NSUN6: variants seen among roughly 807,000 people sequenced by gnomAD.
NSUN6 encodes tRNA (cytosine(72)-C(5))-methyltransferase NSUN6.
Under a neutral mutation model 58.0 loss-of-function variants are expected in NSUN6, and 64 were observed. The observed-to-expected ratio is 1.10, with a 90% confidence interval of 0.90 to 1.36. NSUN6 has a LOEUF of 1.36. Among genes scored for constraint, NSUN6 ranks in the 40% most tolerant of loss-of-function variants. NSUN6 has a pLI of 0.00. For missense variants in NSUN6, 701 were observed against 550.1 expected (o/e 1.27, Z -2.74); for synonymous variants, 231 against 193.9 (o/e 1.19, Z -1.59).
chr10:18,638,947 T>TAA (rs35673571), intron 3 of NSUN6, among the ~76,000 whole-genome samples: 2,230 of 107,004 alleles, frequency 0.021, 71 homozygotes, highest in African/African-American at 0.06. Flanking sequence ...TTGACAATGT[T>TAA]AAAAAAAAAA....
intron 3 of NSUN6, among the ~76,000 whole-genome samples, chr10:18,626,361 G>A (rs1033674335): frequency 2.6e-5 from 4 of 151,900 alleles, no homozygotes; most frequent in Admixed American, 1.3e-4. Context: ...GCAACACGGC[G>A]AGACCCCATC....
At position 18,609,800 on chromosome 10, in the gene NSUN6, G is replaced by GC. The variant is rs1554874340; in HGVS notation, c.657+44_657+45insG. 3.0e-6 allele frequency: 3 copies of GC among 1,009,562 alleles called. No individual in the cohort carries two copies. The South Asian group carries it at 4.0e-5, about 14-fold the overall frequency. 62.5% of individuals were successfully genotyped at this position (1,009,562 alleles called of 1,614,324 possible). On this transcript the variant is annotated intron_variant, in intron 6 of 10. Transcript: ENST00000377304. ...CCTAGATTTCAAATAATTCACTGAT[G>GC]TATGTTTCAATGTCACTAAATATTT...
intron 8 of NSUN6, among the ~76,000 whole-genome samples, chr10:18,580,118 G>A (rs968147971): frequency 5.3e-5 from 8 of 152,126 alleles, no homozygotes; most frequent in Non-Finnish European, 1.0e-4. Flanking sequence ...AAGGGCATGG[G>A]GAGTTTTGCA....
chr10:18,610,281 G>C (rs971405063), intron 5 of NSUN6, among the ~76,000 whole-genome samples: 1 of 152,140 alleles, frequency 6.6e-6, no homozygotes, highest in Non-Finnish European at 1.5e-5. Context: ...CTGGGAGGCA[G>C]AGGTTGCAGT....
intron 3 of NSUN6, among the ~76,000 whole-genome samples, chr10:18,637,476 G>A (rs2059256628): frequency 6.6e-6 from 1 of 152,178 alleles, no homozygotes. Context: ...ATATATTTTA[G>A]AGAACTAAAA....
intron 5 of NSUN6, among the ~76,000 whole-genome samples, chr10:18,612,144 G>T (rs2058259925): frequency 6.6e-6 from 1 of 152,112 alleles, no homozygotes; most frequent in African/African-American, 2.4e-5. Context: ...TCCTGGCTGG[G>T]TGTGGCGTCT....
At chr10:18,548,351 T>C in intron 9 of NSUN6, 114 bp from the exon 10 acceptor site, 1 of 927,018 alleles carries the variant, frequency 1.1e-6, no homozygotes, top group Non-Finnish European at 1.6e-6. Context: ...TAAAATGATG[T>C]TCTATGTGAC....
chr10:18,632,968 C>G (rs905814015), intron 3 of NSUN6, among the ~76,000 whole-genome samples: 38 of 152,118 alleles, frequency 2.5e-4, no homozygotes, highest in East Asian at 3.9e-4. Flanking sequence ...TATGTTTATT[C>G]CGGCATTATT....
chr10:18,618,623 AG>A (rs1360744911), intron 3 of NSUN6, among the ~76,000 whole-genome samples: 3 of 150,120 alleles, frequency 2.0e-5, no homozygotes, highest in African/African-American at 7.4e-5. Context: ...TGGAGGTTGC[AG>A]TGAGCCGAGA....
rs776452785 is a variant in NSUN6, at chr10:18,596,310, T to C, written c.675A>G (p.Leu225=). ...YLFLQNLPSA[L]VSHVLNPQPG... is the part of the protein sequence containing the mutation. The stretch of plus-strand genomic sequence containing the variant: ...GTTGAGGATTTAGTACATGACTTAC[T>C]AAGGCAGATGGCAAATTCTATAAGG... The change falls in exon 7 of 11, where the codon TTA becomes TTG. Residue 225 remains leucine (L), a synonymous_variant. Coordinates refer to ENST00000377304, the MANE Select transcript of NSUN6 (RefSeq NM_182543.5). 1 of 1,586,528 alleles carries C rather than the reference T, an allele frequency of 6.3e-7. No homozygotes were observed. The highest frequency in any genetic ancestry group is 8.7e-7 in the Non-Finnish European group (1 of 1,155,006).
At chr10:18,640,317 A>T (rs2059353115) in intron 3 of NSUN6, among the ~76,000 whole-genome samples, 2 of 152,212 alleles carry the variant, frequency 1.3e-5, no homozygotes, top group South Asian at 4.1e-4. Context: ...GGGACAGGAG[A>T]TGTAACAGAT....
intron 6 of NSUN6, among the ~76,000 whole-genome samples, chr10:18,607,179 T>G (rs868106252): frequency 1.3e-5 from 2 of 152,248 alleles, no homozygotes; most frequent in African/African-American, 4.8e-5. Context: ...ATCCACTTTA[T>G]AGTCACTTAA....
intron 3 of NSUN6, among the ~76,000 whole-genome samples, chr10:18,619,888 G>GTA (rs1249787214): frequency 1.3e-5 from 2 of 151,788 alleles, no homozygotes; most frequent in African/African-American, 4.8e-5. Context: ...TGTGTGTGTG[G>GTA]TATCACACAT....
At chr10:18,593,695 G>A (rs1411748578) in intron 7 of NSUN6, among the ~76,000 whole-genome samples, 5 of 151,976 alleles carry the variant, frequency 3.3e-5, no homozygotes, top group African/African-American at 7.3e-5. Flanking sequence ...CATCACACAC[G>A]GGGGCCTGTC....
At chr10:18,548,275 AC>A in intron 9 of NSUN6, 38 bp from the exon 10 acceptor site, 1 of 1,556,656 alleles carries the variant, frequency 6.4e-7, no homozygotes, top group Non-Finnish European at 8.7e-7. Context: ...ACAGCACAAG[AC>A]CAGATAAACA....
chr10:18,566,977 C>T (rs1389209823), intron 8 of NSUN6, among the ~76,000 whole-genome samples: 3 of 151,086 alleles, frequency 2.0e-5, no homozygotes, highest in African/African-American at 7.3e-5. Context: ...TTCTCCATTC[C>T]ATTCTATTCA....
chr10:18,577,688 A>G (rs977017755), intron 8 of NSUN6, among the ~76,000 whole-genome samples: 1 of 152,212 alleles, frequency 6.6e-6, no homozygotes, highest in African/African-American at 2.4e-5. Context: ...CAAAGAATCA[A>G]TATGTCAGTA....
At chr10:18,652,864 T>C, upstream of NSUN6, 1 of 978,178 alleles carries the variant, frequency 1.0e-6, no homozygotes, top group Non-Finnish European at 1.2e-6. Context: ...CAGCCCATTT[T>C]CTCTGTTTTA....
At chr10:18,590,581 T>C (rs1369833033) in intron 7 of NSUN6, among the ~76,000 whole-genome samples, 1 of 152,104 alleles carries the variant, frequency 6.6e-6, no homozygotes, top group African/African-American at 2.4e-5. Context: ...GCAATCAAAT[T>C]AGGACTCAGG....
Sources: allele counts gnomAD v4.1 joint callset (sites outside exome capture counted in the v4.1 genomes callset), GRCh38; gene constraint gnomAD v4.1.1; transcripts MANE v1.5; gene names NCBI Gene and HGNC (gene_info 2026-07-23, HGNC 2026-07-21).